The following PRX variants were observed in gnomAD, a reference collection of about 807,000 sequenced individuals.
The protein encoded by PRX is periaxin.
In PRX, 24 loss-of-function variants were observed where a neutral mutation model predicts 29.6. The observed-to-expected ratio is 0.81, with a 90% CI of 0.59 to 1.14. PRX has a LOEUF of 1.14. Ranked by LOEUF, PRX falls within the 50% of genes most tolerant of loss-of-function variation. PRX has a pLI of 0.00. For missense variants in PRX, 1,838 were observed against 1,926.4 expected (o/e 0.95, Z 0.86); for synonymous variants, 772 against 831.7 (o/e 0.93, Z 1.24).
chr19:40,404,680 T>C (rs938346830), intron 4 of PRX, among the ~76,000 whole-genome samples: 40 of 151,896 alleles, frequency 2.6e-4, no homozygotes. Context: ...AAGCAGACCT[T>C]CCGCTCCGGT....
chr19:40,409,451 C>CTATTATTATTAT (rs141778541), intron 1 of PRX, among the ~76,000 whole-genome samples: 7,229 of 142,244 alleles, frequency 0.051, 265 homozygotes, highest in African/African-American at 0.095. Context: ...TAAATACTTG[C>CTATTATTATTAT]TATTATTATT....
At position 40,396,874 on chromosome 19, in the gene PRX, T is replaced by C. The variant is rs902117465; in HGVS notation, c.1478A>G (p.Glu493Gly). 3 of 1,614,066 alleles carry C rather than the reference T, an allele frequency of 1.9e-6. No individual in the cohort carries two copies. The African/African-American group carries it at 4.0e-5, about 22-fold the overall frequency. Residue 493 changes from glutamate (E) to glycine (G), a missense_variant, in exon 7 of 7, where the codon GAG becomes GGG. Physicochemically the swap from Glu to Gly is moderately conservative, Grantham distance 98. Coordinates refer to ENST00000324001, the MANE Select transcript of PRX (RefSeq NM_181882.3). ...CTCTGACACTTTGGGCAGCTCTACCTCTGGAAGCCGCACCTCCGGCACAGC... is the reference window on the plus strand; with the variant it reads ...CTCTGACACTTTGGGCAGCTCTACCCCTGGAAGCCGCACCTCCGGCACAGC... Reference protein sequence around the residue: ...EMAVPEVRLPEVELPKVSEMK... With the variant: ...EMAVPEVRLPGVELPKVSEMK...
In PRX at chr19:40,396,317, G is replaced by A. The variant is rs1469912467; in HGVS notation, c.2035C>T (p.Arg679Ter). 6.2e-6 allele frequency: 10 copies of A among 1,612,038 alleles called. No homozygotes were observed. In the East Asian group the frequency reaches 1.8e-4, roughly 29 times the overall value. Residue 679 changes from arginine (R) to a stop codon, truncating the protein, a stop_gained, in exon 7 of 7, where the codon CGA becomes TGA. Coordinates refer to ENST00000324001, the MANE Select transcript of PRX (RefSeq NM_181882.3). LOFTEE classifies it low-confidence loss of function (END_TRUNC). Reference protein sequence around the residue: ...KMPEMAVPEVRLPEVQLPKVS... With the variant: ...KMPEMAVPEV ...TTTGGCAGCTGCACCTCGGGGAGTC[G>A]AACCTCTGGCACAGCCATCTCAGGC...
At chr19:40,403,305 C>A (rs1475310110) in intron 5 of PRX, among the ~76,000 whole-genome samples, 1 of 152,200 alleles carries the variant, frequency 6.6e-6, no homozygotes, top group African/African-American at 2.4e-5. Context: ...CTCACTCCAC[C>A]CTTTTCTCCT....
intron 1 of PRX, among the ~76,000 whole-genome samples, chr19:40,410,075 G>A (rs775905376): frequency 2.0e-5 from 3 of 152,030 alleles, no homozygotes; most frequent in South Asian, 2.1e-4. Context: ...ACTTCACCTC[G>A]GAAAACCCCA....
intron 1 of PRX, among the ~76,000 whole-genome samples, chr19:40,409,003 C>T (rs1046708803): frequency 3.3e-5 from 5 of 151,794 alleles, no homozygotes; most frequent in African/African-American, 1.2e-4. Context: ...AGGTACGCAC[C>T]GCCATACCCG....
chr19:40,395,135 C>A lies in PRX; in HGVS notation c.3217G>T (p.Glu1073Ter). 6.2e-7 allele frequency: 1 copy of A among 1,614,180 alleles called. No individual in the cohort carries two copies. The highest frequency in any genetic ancestry group is 2.2e-5 in the East Asian group (1 of 44,878). ...GCACGATCACCTTGAACTTCTGCTTCCTTCCCTCGAGCCAGCCCAAAGGAA... is the reference window on the plus strand; with the variant it reads ...GCACGATCACCTTGAACTTCTGCTTACTTCCCTCGAGCCAGCCCAAAGGAA... Reference protein sequence around the residue: ...MPSFGLARGKEAEVQGDRASP... With the variant: ...MPSFGLARGK Residue 1073 changes from glutamate (E) to a stop codon, truncating the protein, a stop_gained, in exon 7 of 7, where the codon GAA (glutamate) becomes TAA (stop). Transcript: ENST00000324001. LOFTEE classifies it low-confidence loss of function (END_TRUNC).
At position 40,398,187 on chromosome 19, in the gene PRX, G is replaced by A; in HGVS notation, c.382-217C>T. On this transcript the variant is annotated intron_variant, in intron 6 of 6. Coordinates refer to ENST00000324001, the MANE Select transcript of PRX (RefSeq NM_181882.3). The surrounding 1 kb of genome is among the most constrained non-coding windows in gnomAD (Gnocchi z 6.3). Reference sequence around the variant, plus strand: ...CTCCAAATGAGTCAACAGGAGTGTAGGGACGGGGACCCAAGACTTCTAGAT... The same window carrying A: ...CTCCAAATGAGTCAACAGGAGTGTAAGGACGGGGACCCAAGACTTCTAGAT... 2.1e-5 allele frequency: 30 copies of A among 1,423,594 alleles called. No homozygotes were observed. Among genetic ancestry groups the A allele is most frequent in the Non-Finnish European group, 2.7e-5 (30 of 1,094,170 alleles). 88.2% of individuals were successfully genotyped at this position (1,423,594 alleles called of 1,614,324 possible). A position where few individuals can be genotyped will look rare whatever the true frequency, so the allele number is the denominator to read the frequency against.
At chr19:40,399,899 C>CTTTCTTTCTTTCTT (rs1471178794) in intron 5 of PRX, among the ~76,000 whole-genome samples, 16 of 67,600 alleles carry the variant, frequency 2.4e-4, no homozygotes, top group Non-Finnish European at 3.7e-4. Flanking sequence ...TTCTTTCTTT[C>CTTTCTTTCTTTCTT]TTTCTTTTTC....
chr19:40,405,671 C>T (rs371252364), intron 4 of PRX, among the ~76,000 whole-genome samples: 168 of 126,556 alleles, frequency 1.3e-3, no homozygotes, highest in African/African-American at 4.6e-3. Flanking sequence ...CGGAGTCTCG[C>T]TCTGTCACCC....
Position 40,405,933 on chromosome 19 carries a change from G to A in PRX, c.27+1973C>T, listed in dbSNP as rs559672369. Among the ~76,000 whole-genome samples, 393 of 151,396 alleles carry A rather than the reference G, an allele frequency of 2.6e-3. 1 individual carries two copies. Among genetic ancestry groups the A allele is most frequent in the Non-Finnish European group, 3.9e-3 (262 of 67,810 alleles). On this transcript the variant is annotated intron_variant, in intron 4 of 6. Coordinates refer to ENST00000324001, the MANE Select transcript of PRX (RefSeq NM_181882.3). ...ATGACAGGCATGAGCCACCGCGCCCGGCCTCTTTTTTTTTTTTAAGAGTCG... is the reference window on the plus strand; with the variant it reads ...ATGACAGGCATGAGCCACCGCGCCCAGCCTCTTTTTTTTTTTTAAGAGTCG...
At chr19:40,408,835 G>A (rs932834866) in intron 1 of PRX, among the ~76,000 whole-genome samples, 8 of 151,468 alleles carry the variant, frequency 5.3e-5, no homozygotes, top group Admixed American at 4.6e-4. Context: ...GTGTGTGTGT[G>A]TGTGTGTGTG....
Position 40,395,723 on chromosome 19 carries a change from C to T in PRX, c.2629G>A (p.Gly877Ser). The T allele has an allele frequency of 6.2e-7, 1 of 1,614,136 alleles. No individual in the cohort carries two copies. The highest frequency in any genetic ancestry group is 8.5e-7 in the Non-Finnish European group (1 of 1,180,008). Residue 877 changes from glycine (G) to serine (S), a missense_variant, in exon 7 of 7, where the codon GGC becomes AGC. Transcript: ENST00000324001. ...LQGQVPAAKMGKGERVEGPEV... is the reference protein window; with the variant it reads ...LQGQVPAAKMSKGERVEGPEV... ...GGGCCCTCCACCCGCTCTCCCTTGC[C>T]CATTTTAGCGGCTGGGACCTGCCCC... is the stretch of plus-strand genomic sequence containing the variant.
chr19:40,400,085 C>T (rs1264712708), intron 5 of PRX, among the ~76,000 whole-genome samples: 6 of 151,426 alleles, frequency 4.0e-5, no homozygotes, highest in South Asian at 2.1e-4. Flanking sequence ...CGGGTTCAAG[C>T]GACCCTCCTG....
chr19:40,411,900 G>T (rs2079560242), intron 1 of PRX, among the ~76,000 whole-genome samples: 1 of 152,252 alleles, frequency 6.6e-6, no homozygotes, highest in African/African-American at 2.4e-5. Flanking sequence ...AGAACTTTCA[G>T]AATCCCCAGG....
At chr19:40,413,721 C>T (rs2079569808), upstream of PRX, among the ~76,000 whole-genome samples, 1 of 152,202 alleles carries the variant, frequency 6.6e-6, no homozygotes, top group South Asian at 2.1e-4. Context: ...ACTCCTTTCA[C>T]TCCCTCTCCC....
chr19:40,395,737 G>T lies in PRX; in HGVS notation c.2615C>A (p.Pro872Gln). ...PGALGLQGQVPAAKMGKGERV... is the reference protein window; with the variant it reads ...PGALGLQGQVQAAKMGKGERV... ...CTCTCCCTTGCCCATTTTAGCGGCT[G>T]GGACCTGCCCCTGCAGGCCAAGTGC... The change falls in exon 7 of 7, where the codon CCA becomes CAA. Residue 872 changes from proline (P) to glutamine (Q), a missense_variant. Transcript: ENST00000324001. 1 of 1,614,082 alleles carries T rather than the reference G, an allele frequency of 6.2e-7. No individual in the cohort carries two copies. Among genetic ancestry groups the T allele is most frequent in the Non-Finnish European group, 8.5e-7 (1 of 1,180,010 alleles).
chr19:40,396,629 G>T lies in PRX; in HGVS notation c.1723C>A (p.Pro575Thr). The stretch of plus-strand genomic sequence containing the variant: ...GGGACTTTCATCTCTGGCACTTTCG[G>T]CAGCTGCACCTCTGGAAGCCGCACC... Reference protein sequence around the residue: ...PEVRLPEVQLPKVPEMKVPEM... With the variant: ...PEVRLPEVQLTKVPEMKVPEM... Residue 575 changes from proline (P) to threonine (T), a missense_variant, in exon 7 of 7, where the codon CCG (proline) becomes ACG (threonine). Pro to Thr is a conservative substitution (Grantham distance 38). Transcript: ENST00000324001. The T allele has an allele frequency of 1.2e-6, 2 of 1,614,082 alleles. No homozygotes were observed. Among genetic ancestry groups the T allele is most frequent in the Non-Finnish European group, 1.7e-6 (2 of 1,180,020 alleles).
At chr19:40,412,107 G>A (rs978086586) in intron 1 of PRX, among the ~76,000 whole-genome samples, 6 of 152,190 alleles carry the variant, frequency 3.9e-5, no homozygotes, top group Non-Finnish European at 7.3e-5. Context: ...TGCCCTTCTG[G>A]CCCTCTTTCC....
Sources: allele counts gnomAD v4.1 joint callset (sites outside exome capture counted in the v4.1 genomes callset), GRCh38; gene constraint gnomAD v4.1.1; non-coding constraint Gnocchi (gnomAD v3.1); transcripts MANE v1.5; gene names NCBI Gene and HGNC (gene_info 2026-07-23, HGNC 2026-07-21).